Variants in CCSAP observed in about 807,000 individuals in gnomAD.
CCSAP encodes the protein centriole, cilia and spindle associated protein, also known as centriole, cilia and spindle-associated protein.
A neutral mutation model predicts 25.9 loss-of-function variants in CCSAP; 17 were observed. The ratio of observed to expected loss-of-function variants is 0.66; its 90% CI spans 0.45 to 0.99. The LOEUF (loss-of-function observed/expected upper bound fraction) is 0.99. Among genes scored for constraint, CCSAP ranks in the 50% least tolerant of loss-of-function variants. The probability of loss-of-function intolerance (pLI) is 0.00; values close to 1 mark genes in which losing one functional copy is unlikely to be tolerated. For synonymous variants in CCSAP, 169 were observed against 157.1 expected (o/e 1.08, Z -0.57); for missense variants, 339 against 367.8 (o/e 0.92, Z 0.64).
chr1:229,330,225 G>A (rs566403464), intron 2 of CCSAP, among the ~76,000 whole-genome samples: 121 of 152,284 alleles, frequency 7.9e-4, no homozygotes, highest in African/African-American at 2.8e-3. Context: ...GGATGGTCAT[G>A]CTGTCCTCTG....
At chr1:229,334,305 A>C (rs1374888153) in intron 2 of CCSAP, among the ~76,000 whole-genome samples, 3 of 152,254 alleles carry the variant, frequency 2.0e-5, no homozygotes, top group Non-Finnish European at 4.4e-5. Flanking sequence ...TTTTCTTTAA[A>C]AAATAAATAT....
chr1:229,331,769 T>A (rs1658072155), intron 2 of CCSAP, among the ~76,000 whole-genome samples: 1 of 149,980 alleles, frequency 6.7e-6, no homozygotes, highest in Non-Finnish European at 1.5e-5. Flanking sequence ...TCTTCATCTG[T>A]GTCCTTTCTA....
Position 229,340,275 on chromosome 1 carries a change from A to AG in CCSAP, c.367+1823dup. 9.3e-6 allele frequency: 6 copies of AG among 641,980 alleles called. No homozygotes were observed. The Admixed American group carries it at 1.3e-4, about 14-fold the overall frequency. The allele number at this position is 641,980 out of a possible 1,614,324, so 39.8% of individuals were successfully genotyped here. A position where few individuals can be genotyped will look rare whatever the true frequency, so the allele number is the denominator to read the frequency against. Reference sequence around the variant, plus strand: ...AGCAAAACAAAAGATGCTGCGATTGAGTCCTGAAAGCAGAAAACATCCTTT... The same window carrying AG: ...AGCAAAACAAAAGATGCTGCGATTGAGGTCCTGAAAGCAGAAAACATCCTTT... On this transcript the variant is annotated intron_variant, in intron 2 of 3. Coordinates refer to ENST00000284617, the MANE Select transcript of CCSAP (RefSeq NM_145257.5).
chr1:229,330,928 G>C (rs529119594), intron 2 of CCSAP, among the ~76,000 whole-genome samples: 3 of 152,056 alleles, frequency 2.0e-5, no homozygotes, highest in Admixed American at 6.6e-5. Context: ...TTGGCAGCTC[G>C]GTGGTCACTG....
At chr1:229,340,038 T>A (rs1233701086) in intron 2 of CCSAP, among the ~76,000 whole-genome samples, 1 of 152,226 alleles carries the variant, frequency 6.6e-6, no homozygotes. Context: ...GGGTGTTATG[T>A]ATGGCATAGG....
intron 2 of CCSAP, among the ~76,000 whole-genome samples, chr1:229,335,649 C>T (rs148215748): frequency 3.9e-5 from 6 of 152,320 alleles, no homozygotes; most frequent in East Asian, 1.9e-4. Context: ...GGTCTGTCTC[C>T]GGACGCTGTC....
chr1:229,327,475 A>G, intron 2 of CCSAP: 1 of 455,760 alleles, frequency 2.2e-6, no homozygotes, highest in South Asian at 1.5e-5. Flanking sequence ...TCCTCCTGAG[A>G]GCCGCTTCCT....
At position 229,324,577 on chromosome 1, in the gene CCSAP, A is replaced by G. The variant is rs56250235; in HGVS notation, c.*658T>C. 1.7e-4 allele frequency: 26 copies of G among 152,794 alleles called. No individual in the cohort carries two copies. Among genetic ancestry groups the G allele is most frequent in the Non-Finnish European group, 2.5e-4 (17 of 68,042 alleles). The allele number at this position is 152,794 out of a possible 1,614,324, so 9.5% of individuals were successfully genotyped here. On this transcript the variant is annotated 3_prime_UTR_variant, in exon 4 of 4. Transcript: ENST00000284617. ...AAACTATTAAATAATAACTGCCTAGATGATCACTGAAAGAGAAAAAGAGAC... is the reference window on the plus strand; with the variant it reads ...AAACTATTAAATAATAACTGCCTAGGTGATCACTGAAAGAGAAAAAGAGAC...
Position 229,321,483 on chromosome 1 carries a change from G to A in CCSAP, c.*3752C>T, listed in dbSNP as rs2102688517. The A allele has an allele frequency of 6.6e-6, 1 of 152,174 alleles. No individual in the cohort carries two copies. Among genetic ancestry groups the A allele is most frequent in the African/African-American group, 2.4e-5 (1 of 41,520 alleles). The allele number at this position is 152,174 out of a possible 1,614,324, so 9.4% of individuals were successfully genotyped here. On this transcript the variant is annotated 3_prime_UTR_variant, in exon 4 of 4. Coordinates refer to ENST00000284617, the MANE Select transcript of CCSAP (RefSeq NM_145257.5). Reference sequence around the variant, plus strand: ...ACAAAAATTCATTTCAAATGCAAACGTTGTGCAATGACCAGGTCATATTTT... The same window carrying A: ...ACAAAAATTCATTTCAAATGCAAACATTGTGCAATGACCAGGTCATATTTT...
At chr1:229,334,185 C>T (rs1658144325) in intron 2 of CCSAP, among the ~76,000 whole-genome samples, 1 of 152,274 alleles carries the variant, frequency 6.6e-6, no homozygotes, top group East Asian at 1.9e-4. Flanking sequence ...GTTCTTGTGC[C>T]TCAGCCACCC....
At chr1:229,336,853 A>G (rs6678403) in intron 2 of CCSAP, among the ~76,000 whole-genome samples, 1,672 of 152,206 alleles carry the variant, frequency 0.011, 28 homozygotes, top group African/African-American at 0.038. Context: ...TTTTTAATGT[A>G]AAGAACATTA....
rs1658372590 is a variant in CCSAP at position 229,342,718 on chromosome 1, CG to C, written c.-49+193del. Reference sequence around the variant, plus strand: ...GACCGGGGCTGCTGGGGTCGAGGGGCGCGCCGCCGAGGAGGGCTGCTCAGTG... The same window carrying C: ...GACCGGGGCTGCTGGGGTCGAGGGGCCGCCGCCGAGGAGGGCTGCTCAGTG... On this transcript the variant is annotated intron_variant, in intron 1 of 3. Coordinates refer to ENST00000284617, the MANE Select transcript of CCSAP (RefSeq NM_145257.5). This position sits in a 1 kb window ranked among gnomAD's most constrained non-coding sequence, Gnocchi z 7.5. Among the ~76,000 whole-genome samples, 3 of 151,872 alleles carry C rather than the reference CG, an allele frequency of 2.0e-5. No homozygotes were observed. The South Asian group carries it at 6.2e-4, about 32-fold the overall frequency.
At position 229,323,811 on chromosome 1, in the gene CCSAP, A is replaced by G. The variant is rs537666088; in HGVS notation, c.*1424T>C. On this transcript the variant is annotated 3_prime_UTR_variant, in exon 4 of 4. Transcript: ENST00000284617. Reference sequence around the variant, plus strand: ...AAGCAATATGTTCTAAAAATTGACTATGGTTTTCCAAAGACCCAGAGAAAA... The same window carrying G: ...AAGCAATATGTTCTAAAAATTGACTGTGGTTTTCCAAAGACCCAGAGAAAA... 1.7e-4 allele frequency: 26 copies of G among 152,372 alleles called. No individual in the cohort carries two copies. The highest frequency in any genetic ancestry group is 5.8e-4 in the African/African-American group (24 of 41,594). 9.4% of individuals were successfully genotyped at this position (152,372 alleles called of 1,614,324 possible).
rs778686530 is a variant in CCSAP, at chr1:229,342,497, T to C, written c.-32A>G. ...GTCCGCCGCCTCGAGCGCCAGCCGC[T>C]CCTCGCTGCCCGCAGCCTACGGGAC... On this transcript the variant is annotated 5_prime_UTR_variant, in exon 2 of 4. Coordinates refer to ENST00000284617, the MANE Select transcript of CCSAP (RefSeq NM_145257.5). This position sits in a 1 kb window ranked among gnomAD's most constrained non-coding sequence, Gnocchi z 7.5. 20 of 1,311,940 alleles carry C rather than the reference T, an allele frequency of 1.5e-5. No individual in the cohort carries two copies. In the South Asian group the frequency reaches 4.9e-4, roughly 32 times the overall value. The allele number at this position is 1,311,940 out of a possible 1,614,324, so 81.3% of individuals were successfully genotyped here.
chr1:229,334,408 A>G (rs1295140467), intron 2 of CCSAP, among the ~76,000 whole-genome samples: 4 of 152,230 alleles, frequency 2.6e-5, no homozygotes, highest in Non-Finnish European at 5.9e-5. Flanking sequence ...ATGAGTTTGA[A>G]TAAAAATGTT....
Position 229,342,395 on chromosome 1 carries a change from C to A in CCSAP, c.71G>T (p.Gly24Val). The A allele has an allele frequency of 6.7e-7, 1 of 1,484,914 alleles. No homozygotes were observed. The highest frequency in any genetic ancestry group is 1.4e-5 in the African/African-American group (1 of 69,334). The allele number at this position is 1,484,914 out of a possible 1,614,324, so 92.0% of individuals were successfully genotyped here. The stretch of plus-strand genomic sequence containing the variant: ...GTGCAGCAGCTCGCGGTAGCACGGC[C>A]CGTACTCCTCCCAGCGCGGCTCCTG... ...RYQEPRWEEY[G>V]PCYRELLHYR... The change falls in exon 2 of 4, where the codon GGG (glycine) becomes GTG (valine). Residue 24 changes from glycine (G) to valine (V), a missense_variant. By Grantham distance (109) the Gly-to-Val change is moderately radical. Coordinates refer to ENST00000284617, the MANE Select transcript of CCSAP (RefSeq NM_145257.5). This position sits in a 1 kb window ranked among gnomAD's most constrained non-coding sequence, Gnocchi z 7.5.
At chr1:229,327,938 C>A (rs1657986859) in intron 2 of CCSAP, among the ~76,000 whole-genome samples, 1 of 152,052 alleles carries the variant, frequency 6.6e-6, no homozygotes, top group South Asian at 2.1e-4. Flanking sequence ...GGAAATTACC[C>A]CATGAAATCA....
At chr1:229,338,199 C>G (rs898433424) in intron 2 of CCSAP, among the ~76,000 whole-genome samples, 23 of 152,014 alleles carry the variant, frequency 1.5e-4, no homozygotes, top group Non-Finnish European at 1.3e-4. Flanking sequence ...AAATCTTCAT[C>G]TCCCATAATG....
At chr1:229,335,318 CAAAAG>C (rs946760205) in intron 2 of CCSAP, among the ~76,000 whole-genome samples, 2 of 150,980 alleles carry the variant, frequency 1.3e-5, no homozygotes, top group African/African-American at 4.9e-5. Context: ...GACCCTGTCT[CAAAAG>C]AAAGAAAAAA....
Sources: allele counts gnomAD v4.1 joint callset (sites outside exome capture counted in the v4.1 genomes callset), GRCh38; gene constraint gnomAD v4.1.1; non-coding constraint Gnocchi (gnomAD v3.1); transcripts MANE v1.5; gene names NCBI Gene and HGNC (gene_info 2026-07-23, HGNC 2026-07-21).